ITGA4: variants seen among roughly 807,000 people sequenced by gnomAD.
ITGA4 encodes the protein integrin subunit alpha 4, also known as integrin alpha-4.
In ITGA4, 63 loss-of-function variants were observed where a neutral mutation model predicts 133.6. That is an observed-to-expected ratio of 0.47 (90% CI 0.38 to 0.58). The LOEUF (loss-of-function observed/expected upper bound fraction) is 0.58, where lower values mean the gene tolerates loss of function less well. Ranked by LOEUF, ITGA4 falls within the 20% of genes least tolerant of loss-of-function variation. The probability of loss-of-function intolerance (pLI) is 0.00; values close to 1 mark genes in which losing one functional copy is unlikely to be tolerated. For missense variants in ITGA4, 1,076 were observed against 1,252.7 expected, an observed-to-expected ratio of 0.86 and a Z score of 2.13; for synonymous variants, 483 against 438.0, an observed-to-expected ratio of 1.10 and a Z score of -1.28.
chr2:181,498,960 C>T (rs1474366463), intron 15 of ITGA4, 183 bp downstream of exon 15: 1 of 780,120 alleles, frequency 1.3e-6, no homozygotes, highest in Non-Finnish European at 1.6e-6. Context: ...TCAGAGTCCT[C>T]TTATTGTATC....
At chr2:181,478,678 T>C (rs1278024759) in intron 4 of ITGA4, 79 bp from the exon 5 acceptor site, 2 of 604,034 alleles carry the variant, frequency 3.3e-6, no homozygotes, top group East Asian at 3.2e-5. Flanking sequence ...AAGGACATTT[T>C]TGTAAGGATT....
At chr2:181,458,631 C>A in intron 2 of ITGA4, 1 of 326,914 alleles carries the variant, frequency 3.1e-6, no homozygotes, top group Non-Finnish European at 5.9e-6. Context: ...ACTCTCTCAG[C>A]GTATTAAGGA....
chr2:181,534,784 TTTTTGAG>T, intron 26 of ITGA4, 25 bp from the exon 27 acceptor site: 1 of 1,502,614 alleles, frequency 6.7e-7, no homozygotes, highest in Non-Finnish European at 9.0e-7. Context: ...TTTTTTTTGG[TTTTTGAG>T]TTTTATTTTT....
intron 15 of ITGA4, among the ~76,000 whole-genome samples, chr2:181,508,653 G>A (rs1209808799): frequency 6.6e-6 from 1 of 151,858 alleles, no homozygotes; most frequent in African/African-American, 2.4e-5. Flanking sequence ...CTGAAATCAC[G>A]CCACTGCCCT....
intron 9 of ITGA4, among the ~76,000 whole-genome samples, chr2:181,484,320 G>T (rs781623798): frequency 2.6e-5 from 4 of 152,076 alleles, no homozygotes; most frequent in Non-Finnish European, 5.9e-5. Flanking sequence ...AGCTCTCAGG[G>T]GTTCCTAGCG....
intron 5 of ITGA4, among the ~76,000 whole-genome samples, 172 bp from the exon 6 acceptor site, chr2:181,479,965 A>G (rs2105731566): frequency 6.6e-6 from 1 of 151,200 alleles, no homozygotes; most frequent in South Asian, 2.1e-4. Flanking sequence ...GAAATCCATT[A>G]GCCAACTTCT....
intron 11 of ITGA4, 44 bp downstream of exon 11, chr2:181,493,463 C>T (rs1262520539): frequency 1.7e-6 from 2 of 1,195,868 alleles, no homozygotes; most frequent in Admixed American, 2.1e-5. Flanking sequence ...GGTTATAATG[C>T]ATATCCTTAA....
chr2:181,529,254 T>C (rs1344318850), intron 22 of ITGA4, among the ~76,000 whole-genome samples: 1 of 69,430 alleles, frequency 1.4e-5, no homozygotes, highest in Non-Finnish European at 3.5e-5. Context: ...ATATTGTTTA[T>C]GTCTCCTAAG....
intron 9 of ITGA4, among the ~76,000 whole-genome samples, chr2:181,483,243 AATT>A (rs1370610452): frequency 2.0e-4 from 30 of 152,236 alleles, no homozygotes; most frequent in Non-Finnish European, 1.9e-4. Flanking sequence ...TTCAATTTTA[AATT>A]ATTAGTGATA....
chr2:181,472,796 A>G (rs1172651454), intron 2 of ITGA4, among the ~76,000 whole-genome samples: 1 of 151,952 alleles, frequency 6.6e-6, no homozygotes, highest in Non-Finnish European at 1.5e-5. Flanking sequence ...TTCTCCTACC[A>G]TCTTCCCTCT....
intron 14 of ITGA4, chr2:181,498,310 G>T (rs1257997619): frequency 6.0e-6 from 1 of 166,542 alleles, no homozygotes; most frequent in Non-Finnish European, 1.3e-5. Context: ...AAACATGCAA[G>T]ACTTTTATTA....
chr2:181,513,654 C>A (rs1686549890), intron 17 of ITGA4, among the ~76,000 whole-genome samples: 1 of 152,028 alleles, frequency 6.6e-6, no homozygotes, highest in Admixed American at 6.6e-5. Flanking sequence ...GACTTAAAAT[C>A]TAAACTCCTG....
Position 181,536,907 on chromosome 2 carries a change from G to A in ITGA4, c.*1380G>A, listed in dbSNP as rs202015286. ...GGGAGTGATCAAATTAGAAGGCAAT[G>A]TGGAAAAACAATTCTGGGAAAGATT... On this transcript the variant is annotated 3_prime_UTR_variant, in exon 28 of 28. Transcript: ENST00000397033. 8.8e-6 allele frequency: 4 copies of A among 453,368 alleles called. No individual in the cohort carries two copies. The highest frequency in any genetic ancestry group is 6.0e-5 in the African/African-American group (3 of 49,952). 28.1% of individuals were successfully genotyped at this position (453,368 alleles called of 1,614,324 possible). A position where few individuals can be genotyped will look rare whatever the true frequency, so the allele number is the denominator to read the frequency against.
intron 2 of ITGA4, chr2:181,458,837 G>A (rs1685199205): frequency 2.0e-5 from 3 of 153,352 alleles, no homozygotes; most frequent in Admixed American, 1.3e-4. Context: ...AGGAAAATTG[G>A]CATCTTCATC....
rs200943772 is a variant in ITGA4, at chr2:181,537,314, T to C, written c.*1787T>C. On this transcript the variant is annotated 3_prime_UTR_variant, in exon 28 of 28. Coordinates refer to ENST00000397033, the MANE Select transcript of ITGA4 (RefSeq NM_000885.6). ...TATATTTCAGGTTATCTGAGCACAGTGAAAGCAGAGTACTATGGTTGTCCA... is the reference window on the plus strand; with the variant it reads ...TATATTTCAGGTTATCTGAGCACAGCGAAAGCAGAGTACTATGGTTGTCCA... The C allele has an allele frequency of 2.2e-6, 1 of 453,568 alleles. No homozygotes were observed. The highest frequency in any genetic ancestry group is 1.6e-5 in the South Asian group (1 of 64,470). 28.1% of individuals were successfully genotyped at this position (453,568 alleles called of 1,614,324 possible).
At chr2:181,531,416 AC>A (rs1487017239) in intron 24 of ITGA4, among the ~76,000 whole-genome samples, 1 of 152,236 alleles carries the variant, frequency 6.6e-6, no homozygotes, top group African/African-American at 2.4e-5. Flanking sequence ...TTATGTTAAT[AC>A]AAATAATAAG....
intron 25 of ITGA4, among the ~76,000 whole-genome samples, chr2:181,533,787 TCTC>T (rs1204804341): frequency 3.3e-5 from 5 of 152,120 alleles, no homozygotes; most frequent in African/African-American, 9.7e-5. Flanking sequence ...CATGAAAACA[TCTC>T]CTAAAGATTC....
At chr2:181,459,708 A>G (rs979692216) in intron 2 of ITGA4, among the ~76,000 whole-genome samples, 20 of 152,212 alleles carry the variant, frequency 1.3e-4, no homozygotes, top group Non-Finnish European at 2.4e-4. Context: ...TTTTCATTGC[A>G]TGAGAGAGTT....
chr2:181,519,269 G>C (rs2105762839), intron 17 of ITGA4, among the ~76,000 whole-genome samples: 1 of 152,088 alleles, frequency 6.6e-6, no homozygotes, highest in East Asian at 1.9e-4. Context: ...ACAAAACCAA[G>C]TTATATTATT....
Sources: gnomAD v4.1 joint callset for allele counts (sites outside exome capture counted in the v4.1 genomes callset) on GRCh38, gnomAD v4.1.1 for gene constraint, MANE v1.5 for transcripts, NCBI Gene and HGNC (gene_info 2026-07-23, HGNC 2026-07-21) for gene names.